TUSC3: variants seen among roughly 807,000 people sequenced by gnomAD.
TUSC3 encodes tumor suppressor candidate 3, also known as dolichyl-diphosphooligosaccharide--protein glycosyltransferase subunit TUSC3.
A neutral mutation model predicts 44.8 loss-of-function variants in TUSC3; 45 were observed. The observed-to-expected ratio is 1.00, with a 90% CI of 0.79 to 1.29. The LOEUF (loss-of-function observed/expected upper bound fraction) is 1.29, where lower values mean the gene tolerates loss of function less well. Ranked by LOEUF, TUSC3 falls within the 50% of genes most tolerant of loss-of-function variation. The pLI, the probability that TUSC3 is intolerant of heterozygous loss-of-function variation, is 0.00. For missense variants in TUSC3, 519 were observed against 437.9 expected, an observed-to-expected ratio of 1.19 and a Z score of -1.65; for synonymous variants, 212 against 152.9, an observed-to-expected ratio of 1.39 and a Z score of -2.85.
At chr8:15,767,293 C>A (rs752651429), downstream of TUSC3, among the ~76,000 whole-genome samples, 84 of 152,078 alleles carry the variant, frequency 5.5e-4, 1 homozygote, top group Non-Finnish European at 9.7e-4. Context: ...AAGCATCTCA[C>A]CTTCCGGCCA....
At chr8:15,548,571 G>T (rs1291585287) in intron 1 of TUSC3, among the ~76,000 whole-genome samples, 1 of 151,782 alleles carries the variant, frequency 6.6e-6, no homozygotes, top group African/African-American at 2.4e-5. Flanking sequence ...TAGAAAAATG[G>T]GAAGAACTGG....
the TUSC3 span, among the ~76,000 whole-genome samples, chr8:15,810,489 T>C: frequency 1.2e-4 from 18 of 151,630 alleles, no homozygotes; most frequent in Non-Finnish European, 2.2e-4. Flanking sequence ...AATTAAAAAC[T>C]TAGCTGGGTG....
chr8:15,785,022 T>TAC, the TUSC3 span, among the ~76,000 whole-genome samples: 25 of 151,746 alleles, frequency 1.6e-4, no homozygotes, highest in Non-Finnish European at 2.5e-4. Flanking sequence ...TATATATATA[T>TAC]ACACACAATT....
intron 1 of TUSC3, among the ~76,000 whole-genome samples, chr8:15,466,039 A>G (rs763538813): frequency 6.6e-6 from 1 of 152,198 alleles, no homozygotes; most frequent in Non-Finnish European, 1.5e-5. Context: ...CCGAATTTTT[A>G]AACTCAATAT....
chr8:15,645,660 A>T (rs544287642), intron 2 of TUSC3, among the ~76,000 whole-genome samples: 1 of 152,224 alleles, frequency 6.6e-6, no homozygotes, highest in Admixed American at 6.5e-5. Context: ...GATGATTAAG[A>T]TCTGGATTCA....
At chr8:15,554,125 C>G (rs189969375) in intron 1 of TUSC3, among the ~76,000 whole-genome samples, 5 of 146,826 alleles carry the variant, frequency 3.4e-5, no homozygotes, top group Non-Finnish European at 7.6e-5. Flanking sequence ...AACGAGCTCC[C>G]TTGGACCTAT....
At chr8:15,694,102 G>GT (rs1809040388) in intron 6 of TUSC3, among the ~76,000 whole-genome samples, 1 of 151,884 alleles carries the variant, frequency 6.6e-6, no homozygotes, top group Non-Finnish European at 1.5e-5. Context: ...AGTGATCTTC[G>GT]TTTTTATCCA....
At chr8:15,763,929 G>A (rs1812251441) in intron 10 of TUSC3, among the ~76,000 whole-genome samples, 1 of 151,852 alleles carries the variant, frequency 6.6e-6, no homozygotes, top group Admixed American at 6.6e-5. Flanking sequence ...TGCTGTTCTA[G>A]CCAGCAATGA....
At chr8:15,702,128 T>A (rs1302167707) in intron 6 of TUSC3, among the ~76,000 whole-genome samples, 1 of 152,120 alleles carries the variant, frequency 6.6e-6, no homozygotes, top group Non-Finnish European at 1.5e-5. Flanking sequence ...GAGAGCCTAT[T>A]TTCTTGGCCT....
chr8:15,678,696 G>C (rs955035143), intron 6 of TUSC3, among the ~76,000 whole-genome samples: 12 of 152,252 alleles, frequency 7.9e-5, no homozygotes, highest in African/African-American at 2.9e-4. Flanking sequence ...GTTGTTACAA[G>C]AGTATATTGT....
intron 2 of TUSC3, among the ~76,000 whole-genome samples, chr8:15,643,877 G>T (rs1806497541): frequency 6.6e-6 from 1 of 152,110 alleles, no homozygotes; most frequent in African/African-American, 2.4e-5. Context: ...GCTCGCTCCA[G>T]ATCTTTGTGT....
intron 1 of TUSC3, among the ~76,000 whole-genome samples, chr8:15,587,501 A>G (rs1291156310): frequency 6.6e-6 from 1 of 152,158 alleles, no homozygotes; most frequent in African/African-American, 2.4e-5. Context: ...TATGTATCCA[A>G]TGTGCAATGA....
chr8:15,656,145 A>C (rs1033068251), intron 3 of TUSC3, among the ~76,000 whole-genome samples: 17 of 152,216 alleles, frequency 1.1e-4, no homozygotes, highest in Admixed American at 1.1e-3. Flanking sequence ...CATTCAAACC[A>C]TCATATTCTG....
the TUSC3 span, among the ~76,000 whole-genome samples, chr8:15,775,645 TATATAC>T: frequency 1.5e-5 from 2 of 134,494 alleles, no homozygotes; most frequent in Non-Finnish European, 3.2e-5. Flanking sequence ...TATATATATA[TATATAC>T]ACACACATAT....
At chr8:15,704,092 A>T (rs1432047372) in intron 6 of TUSC3, among the ~76,000 whole-genome samples, 2 of 152,094 alleles carry the variant, frequency 1.3e-5, no homozygotes, top group Admixed American at 1.3e-4. Flanking sequence ...AAGCAGAGTG[A>T]TAGAAGGTTG....
At chr8:15,505,153 G>T (rs1029158364) in intron 2 of TUSC3, among the ~76,000 whole-genome samples, 5 of 152,126 alleles carry the variant, frequency 3.3e-5, no homozygotes, top group Non-Finnish European at 5.9e-5. Flanking sequence ...ATCCATATGA[G>T]AACTGGCTTT....
intron 10 of TUSC3, chr8:15,758,056 AC>A (rs1352460061): frequency 7.3e-7 from 1 of 1,379,128 alleles, no homozygotes; most frequent in African/African-American, 1.5e-5. Context: ...AAAAATGTCT[AC>A]CAAAAGACTG....
chr8:15,626,552 G>C (rs539746181), intron 2 of TUSC3, among the ~76,000 whole-genome samples: 84 of 152,206 alleles, frequency 5.5e-4, no homozygotes, highest in Non-Finnish European at 1.1e-3. Flanking sequence ...CCTGGGCGCA[G>C]CTGCAACTGT....
At chr8:15,531,248 C>A (rs1246043694) in intron 2 of TUSC3, among the ~76,000 whole-genome samples, 6 of 152,168 alleles carry the variant, frequency 3.9e-5, no homozygotes, top group African/African-American at 1.2e-4. Flanking sequence ...TGCTTTCATT[C>A]CTGCTCTAAA....
Sources: gnomAD v4.1 joint callset for allele counts (sites outside exome capture counted in the v4.1 genomes callset) on GRCh38, gnomAD v4.1.1 for gene constraint, MANE v1.5 for transcripts, NCBI Gene and HGNC (gene_info 2026-07-23, HGNC 2026-07-21) for gene names.